GRB14: variants seen among roughly 807,000 people sequenced by gnomAD.
GRB14 encodes the protein growth factor receptor bound protein 14, also known as growth factor receptor-bound protein 14.
A neutral mutation model predicts 69.1 loss-of-function variants in GRB14; 38 were observed. That is an observed-to-expected ratio of 0.55 (90% CI 0.42 to 0.72). GRB14 has a LOEUF of 0.72. Among genes scored for constraint, GRB14 ranks in the 30% least tolerant of loss-of-function variants. The probability of loss-of-function intolerance (pLI) is 0.00; values close to 1 mark genes in which losing one functional copy is unlikely to be tolerated. For synonymous variants in GRB14, 247 were observed against 241.3 expected, an observed-to-expected ratio of 1.02 and a Z score of -0.22; for missense variants, 666 against 666.1, an observed-to-expected ratio of 1.00 and a Z score of 0.00.
intron 8 of GRB14, among the ~76,000 whole-genome samples, chr2:164,505,959 T>G (rs375523587): frequency 9.2e-5 from 14 of 152,340 alleles, no homozygotes; most frequent in African/African-American, 3.4e-4. Flanking sequence ...CACCTGCTTC[T>G]GTTTTGGGTG....
chr2:164,556,645 A>G (rs1265244705), intron 2 of GRB14, among the ~76,000 whole-genome samples: 1 of 152,060 alleles, frequency 6.6e-6, no homozygotes, highest in African/African-American at 2.4e-5. Context: ...CCTACCCTCT[A>G]CTTTTTCTGC....
At chr2:164,529,319 A>G (rs986077707) in intron 3 of GRB14, among the ~76,000 whole-genome samples, 1 of 152,158 alleles carries the variant, frequency 6.6e-6, no homozygotes, top group Non-Finnish European at 1.5e-5. Flanking sequence ...AAATTAAAAT[A>G]TTTCAGAGAT....
chr2:164,542,032 A>T (rs190854499), intron 3 of GRB14, among the ~76,000 whole-genome samples: 155 of 152,322 alleles, frequency 1.0e-3, no homozygotes, highest in Non-Finnish European at 1.6e-3. Flanking sequence ...AAACCATATT[A>T]TAATCCTACA....
chr2:164,547,713 T>C lies in GRB14; in HGVS notation c.428A>G (p.Tyr143Cys), dbSNP rs770871238. 6.2e-7 allele frequency: 1 copy of C among 1,613,842 alleles called. No homozygotes were observed. The change falls in exon 3 of 14, where the codon TAC (tyrosine) becomes TGC (cysteine). Residue 143 changes from tyrosine to cysteine, a missense_variant. Transcript: ENST00000263915. The stretch of plus-strand genomic sequence containing the variant: ...AAGGGTCCAGCTGTGGTCATCAATG[T>C]AATGATTCTTCAGGATCAACAGCTG... ...VCQLLILKNH[Y>C]IDDHSWTLFE...
chr2:164,542,879 C>G (rs1574290323), intron 3 of GRB14, among the ~76,000 whole-genome samples: 1 of 152,232 alleles, frequency 6.6e-6, no homozygotes, highest in Non-Finnish European at 1.5e-5. Context: ...ACCCGGCAAT[C>G]CCATTACTGG....
chr2:164,493,542 A>G (rs747356718), intron 13 of GRB14, among the ~76,000 whole-genome samples: 2 of 152,186 alleles, frequency 1.3e-5, no homozygotes, highest in Non-Finnish European at 2.9e-5. Flanking sequence ...CCTTTTCTAA[A>G]TGTTGTCTAC....
At position 164,620,074 on chromosome 2, in the gene GRB14, C is replaced by A. The variant is rs1261036359; in HGVS notation, c.192-255G>T. ...TCTCTCTCTCTCTCCCCTCCCACCA[C>A]CCCTCCCCCCCCCACCGCCTTCTCT... is the stretch of plus-strand genomic sequence containing the variant. On this transcript the variant is annotated intron_variant, in intron 1 of 13. Transcript: ENST00000263915. The A allele has an allele frequency of 6.8e-5, 5 of 73,824 alleles. 2 individuals are homozygous for A. The Admixed American group carries it at 1.1e-3, about 17-fold the overall frequency. 4.6% of individuals were successfully genotyped at this position (73,824 alleles called of 1,614,324 possible).
At chr2:164,612,924 T>C (rs948170888) in intron 2 of GRB14, among the ~76,000 whole-genome samples, 1 of 152,194 alleles carries the variant, frequency 6.6e-6, no homozygotes, top group Non-Finnish European at 1.5e-5. Context: ...ATAGAAGATC[T>C]GCTAGGGGAT....
intron 2 of GRB14, among the ~76,000 whole-genome samples, chr2:164,556,658 C>T (rs1688684775): frequency 6.6e-6 from 1 of 152,146 alleles, no homozygotes; most frequent in African/African-American, 2.4e-5. Context: ...TTTTCTGCTC[C>T]CTCATATCTT....
At chr2:164,560,582 G>A (rs950769123) in intron 2 of GRB14, among the ~76,000 whole-genome samples, 4 of 152,040 alleles carry the variant, frequency 2.6e-5, no homozygotes, top group African/African-American at 4.8e-5. Context: ...ACATTAATAA[G>A]AAGGATTGGG....
At chr2:164,534,647 C>T (rs955086854) in intron 3 of GRB14, among the ~76,000 whole-genome samples, 3 of 152,050 alleles carry the variant, frequency 2.0e-5, no homozygotes, top group African/African-American at 4.8e-5. Context: ...AACAAAAGGC[C>T]TTTAATAAAC....
chr2:164,506,673 A>G (rs1219047451), intron 8 of GRB14, among the ~76,000 whole-genome samples: 2 of 152,226 alleles, frequency 1.3e-5, no homozygotes, highest in Non-Finnish European at 2.9e-5. Flanking sequence ...TAGCAGCACT[A>G]TTCACAATAG....
In GRB14 at chr2:164,619,825, G is replaced by C; in HGVS notation, c.192-6C>G. On this transcript the variant is annotated splice_region_variant and splice_polypyrimidine_tract_variant and intron_variant, in intron 1 of 13. Coordinates refer to ENST00000263915, the MANE Select transcript of GRB14 (RefSeq NM_004490.3). ...CAAGATCTTTCTTTTTTCTCCTACA[G>C]TAAGAGAACATAGGATGTAATTTAC... 1 of 1,597,828 alleles carries C rather than the reference G, an allele frequency of 6.3e-7. No homozygotes were observed. Among genetic ancestry groups the C allele is most frequent in the Non-Finnish European group, 8.5e-7 (1 of 1,171,274 alleles).
intron 6 of GRB14, among the ~76,000 whole-genome samples, chr2:164,521,541 C>A (rs1687634001): frequency 6.6e-6 from 1 of 151,958 alleles, no homozygotes; most frequent in Non-Finnish European, 1.5e-5. Context: ...AATAAAAGAG[C>A]AATAAATGAC....
In GRB14 at chr2:164,497,064, G is replaced by T; in HGVS notation, c.1326C>A (p.His442Gln). 6.2e-7 allele frequency: 1 copy of T among 1,613,912 alleles called. No individual in the cohort carries two copies. The highest frequency in any genetic ancestry group is 8.5e-7 in the Non-Finnish European group (1 of 1,179,868). The change falls in exon 12 of 14, where the codon CAC becomes CAA. Residue 442 changes from histidine (H) to glutamine (Q), a missense_variant. Transcript: ENST00000263915. Reference sequence around the variant, plus strand: ...GCTGAGCCTCATCTCTAGAAATTTTGTGGTGAAACCATGGCTGGGACCGGT... The same window carrying T: ...GCTGAGCCTCATCTCTAGAAATTTTTTGGTGAAACCATGGCTGGGACCGGT... ...AIHRSQPWFH[H>Q]KISRDEAQRL...
At chr2:164,512,738 G>A (rs966568589) in intron 6 of GRB14, among the ~76,000 whole-genome samples, 16 of 152,140 alleles carry the variant, frequency 1.1e-4, no homozygotes, top group African/African-American at 2.4e-5. Flanking sequence ...GGGAAAGAAG[G>A]AAGCTATACA....
intron 2 of GRB14, among the ~76,000 whole-genome samples, chr2:164,555,696 T>C (rs1408110155): frequency 6.6e-6 from 1 of 150,576 alleles, no homozygotes; most frequent in Non-Finnish European, 1.5e-5. Context: ...ATGAGACATA[T>C]ATAATTTTTA....
At chr2:164,536,848 G>A (rs1688091950) in intron 3 of GRB14, among the ~76,000 whole-genome samples, 1 of 152,118 alleles carries the variant, frequency 6.6e-6, no homozygotes, top group Non-Finnish European at 1.5e-5. Context: ...TGTCCACACG[G>A]CTTGTTTCTC....
chr2:164,602,388 T>TTGAC (rs1305571314), intron 2 of GRB14, among the ~76,000 whole-genome samples: 1 of 152,166 alleles, frequency 6.6e-6, no homozygotes, highest in Non-Finnish European at 1.5e-5. Context: ...CAATAATATC[T>TTGAC]TGACATGCTG....
Sources: allele counts gnomAD v4.1 joint callset (sites outside exome capture counted in the v4.1 genomes callset), GRCh38; gene constraint gnomAD v4.1.1; transcripts MANE v1.5; gene names NCBI Gene and HGNC (gene_info 2026-07-23, HGNC 2026-07-21).